Variants in COL5A2 observed in about 807,000 individuals in gnomAD.
COL5A2 encodes the protein collagen type V alpha 2 chain, also known as collagen alpha-2(V) chain.
Under a neutral mutation model 208.2 loss-of-function variants are expected in COL5A2, and 23 were observed. The observed-to-expected ratio is 0.11, with a 90% CI of 0.08 to 0.16. The LOEUF (loss-of-function observed/expected upper bound fraction) is 0.16, where lower values mean the gene tolerates loss of function less well. Among genes scored for constraint, COL5A2 ranks in the 10% least tolerant of loss-of-function variants. The pLI, the probability that COL5A2 is intolerant of heterozygous loss-of-function variation, is 1.00. For missense variants in COL5A2, 1,590 were observed against 1,956.4 expected (o/e 0.81, Z 3.53); for synonymous variants, 625 against 628.5 (o/e 0.99, Z 0.08).
intron 1 of COL5A2, among the ~76,000 whole-genome samples, chr2:189,145,967 GA>G (rs1688031272): frequency 6.6e-6 from 1 of 152,056 alleles, no homozygotes; most frequent in Admixed American, 6.6e-5. Context: ...TAAAGAGCAA[GA>G]CAGTAGAATT....
At chr2:189,328,292 G>A in the COL5A2 span, among the ~76,000 whole-genome samples, 4 of 152,180 alleles carry the variant, frequency 2.6e-5, no homozygotes, top group South Asian at 2.1e-4. Flanking sequence ...TCTACACAAC[G>A]TATCTTTAAA....
intron 1 of COL5A2, among the ~76,000 whole-genome samples, chr2:189,189,498 A>G (rs12993719): frequency 0.59 from 90,236 of 151,936 alleles, 27,863 homozygotes; most frequent in East Asian, 0.72. Context: ...AGCCTGAGCA[A>G]CATAATGAGA....
the COL5A2 span, among the ~76,000 whole-genome samples, chr2:189,437,665 T>A: frequency 6.6e-6 from 1 of 152,088 alleles, no homozygotes; most frequent in Non-Finnish European, 1.5e-5. Flanking sequence ...AGAGAGAAAG[T>A]GCAGAATGAA....
At chr2:189,034,697 C>T (rs79956958) in intron 53 of COL5A2, among the ~76,000 whole-genome samples, 1 of 152,154 alleles carries the variant, frequency 6.6e-6, no homozygotes, top group African/African-American at 2.4e-5. Context: ...TGGATCAGAT[C>T]TTAGGGATCC....
chr2:189,283,886 C>T, the COL5A2 span, among the ~76,000 whole-genome samples: 2 of 152,110 alleles, frequency 1.3e-5, no homozygotes, highest in African/African-American at 4.8e-5. Context: ...AAAAATACCA[C>T]ATGAATCCAG....
At chr2:189,107,272 T>C (rs1271557401) in intron 2 of COL5A2, among the ~76,000 whole-genome samples, 1 of 151,596 alleles carries the variant, frequency 6.6e-6, no homozygotes, top group African/African-American at 2.4e-5. Context: ...GTTCTAAGAT[T>C]TTCTGTTTCT....
chr2:189,174,588 CA>C lies in COL5A2; in HGVS notation c.97+4919del, dbSNP rs1688642057. On this transcript the variant is annotated intron_variant, in intron 1 of 53. Coordinates refer to ENST00000374866, the MANE Select transcript of COL5A2 (RefSeq NM_000393.5). ...AATACAGTGGTTCACCAATGTAAAT[CA>C]GAGTCAACTGGAGAGCTCTAAAAAC... Among the ~76,000 whole-genome samples the C allele has an allele frequency of 3.3e-5, 5 of 152,298 alleles. No individual in the cohort carries two copies. The South Asian group carries it at 1.0e-3, about 32-fold the overall frequency.
At chr2:189,363,804 A>G in the COL5A2 span, among the ~76,000 whole-genome samples, 1 of 152,182 alleles carries the variant, frequency 6.6e-6, no homozygotes, top group Non-Finnish European at 1.5e-5. Flanking sequence ...CATGGAGTAG[A>G]TCTAAAGTTC....
chr2:189,336,242 A>G, the COL5A2 span, among the ~76,000 whole-genome samples: 1 of 152,186 alleles, frequency 6.6e-6, no homozygotes, highest in Non-Finnish European at 1.5e-5. Flanking sequence ...AATAATACCA[A>G]GTAATGGCAA....
In COL5A2 at chr2:189,072,089, G is replaced by A; in HGVS notation, c.1109C>T (p.Pro370Leu). 1 of 1,607,400 alleles carries A rather than the reference G, an allele frequency of 6.2e-7. No individual in the cohort carries two copies. Among genetic ancestry groups the A allele is most frequent in the Non-Finnish European group, 8.5e-7 (1 of 1,175,268 alleles). ...ACCAGAAGAGCCTGGTATCCCAAGA[G>A]GACCCTATTAAAAGAAACCAGAAAA... is the stretch of plus-strand genomic sequence containing the variant. ...GMPGKPGPMG[P>L]LGIPGSSGFP... Residue 370 changes from proline to leucine, a missense_variant, in exon 18 of 54, where the codon CCT (proline) becomes CTT (leucine). Transcript: ENST00000374866.
At chr2:189,198,590 G>A (rs77385224) in intron 1 of COL5A2, among the ~76,000 whole-genome samples, 340 of 152,226 alleles carry the variant, frequency 2.2e-3, no homozygotes, top group Non-Finnish European at 3.5e-3. Flanking sequence ...ATAATGAACA[G>A]TCATTTATCA....
chr2:189,342,600 T>C, the COL5A2 span, among the ~76,000 whole-genome samples: 2 of 136,060 alleles, frequency 1.5e-5, no homozygotes, highest in African/African-American at 5.0e-5. Flanking sequence ...TTTTTTTCTA[T>C]TCAGTTTACC....
At chr2:189,245,270 T>C in the COL5A2 span, among the ~76,000 whole-genome samples, 1 of 152,124 alleles carries the variant, frequency 6.6e-6, no homozygotes, top group African/African-American at 2.4e-5. Context: ...AATAGAACCA[T>C]AATATAGCAG....
chr2:189,109,534 C>T (rs563018860), intron 2 of COL5A2, among the ~76,000 whole-genome samples: 2 of 151,996 alleles, frequency 1.3e-5, no homozygotes, highest in East Asian at 3.9e-4. Context: ...ACACAAATAA[C>T]CTGAAGGTTT....
the COL5A2 span, among the ~76,000 whole-genome samples, chr2:189,236,007 A>G: frequency 6.6e-6 from 1 of 151,582 alleles, no homozygotes; most frequent in Non-Finnish European, 1.5e-5. Context: ...CCCAATAAAA[A>G]AAAAAAAACA....
rs932615676 is a variant in COL5A2, at chr2:189,085,222, A to C, written c.745-9T>G. ...CGTGAACCAATCGGACCCTAATAAC[A>C]GAACAAAACAAAAGGAAAAAAAGAA... is the stretch of plus-strand genomic sequence containing the variant. On this transcript the variant is annotated splice_polypyrimidine_tract_variant and intron_variant, in intron 10 of 53. Coordinates refer to ENST00000374866, the MANE Select transcript of COL5A2 (RefSeq NM_000393.5). 2.5e-6 allele frequency: 4 copies of C among 1,607,374 alleles called. No individual in the cohort carries two copies. In the African/African-American group the frequency reaches 5.3e-5, roughly 21 times the overall value.
chr2:189,266,378 A>G, the COL5A2 span, among the ~76,000 whole-genome samples: 5 of 151,818 alleles, frequency 3.3e-5, no homozygotes, highest in Admixed American at 6.6e-5. Flanking sequence ...GTGAGCCGAG[A>G]TTGTGCTGCT....
rs863223496 is a variant in COL5A2, at chr2:189,041,636, G to A, written c.3583C>T (p.Pro1195Ser). The A allele has an allele frequency of 1.9e-6, 3 of 1,614,068 alleles. No homozygotes were observed. Among genetic ancestry groups the A allele is most frequent in the Non-Finnish European group, 2.5e-6 (3 of 1,179,968 alleles). Residue 1195 changes from proline to serine, a missense_variant, in exon 50 of 54, where the codon CCA becomes TCA. Coordinates refer to ENST00000374866, the MANE Select transcript of COL5A2 (RefSeq NM_000393.5). ...GKEGNPGPLG[P>S]IGPPGVRGSV... ...CCTCGTACACCTGGAGGTCCAATTG[G>A]CCCAAGTGGCCCAGGGTTTCCTTCT...
At chr2:189,117,208 C>A (rs1424746963) in intron 1 of COL5A2, among the ~76,000 whole-genome samples, 1 of 152,138 alleles carries the variant, frequency 6.6e-6, no homozygotes, top group East Asian at 1.9e-4. Flanking sequence ...CAATGCTCAT[C>A]TACAGTTCTG....
Sources: gnomAD v4.1 joint callset for allele counts (sites outside exome capture counted in the v4.1 genomes callset) on GRCh38, gnomAD v4.1.1 for gene constraint, MANE v1.5 for transcripts, NCBI Gene and HGNC (gene_info 2026-07-23, HGNC 2026-07-21) for gene names.